Variants in TMEM130 observed in about 807,000 individuals in gnomAD.
TMEM130 encodes transmembrane protein 130.
A neutral mutation model predicts 42.9 loss-of-function variants in TMEM130; 37 were observed. That is an observed-to-expected ratio of 0.86 (90% CI 0.66 to 1.13). The LOEUF (loss-of-function observed/expected upper bound fraction) is 1.13. Ranked by LOEUF, TMEM130 falls within the 50% of genes most tolerant of loss-of-function variation. The pLI, the probability that TMEM130 is intolerant of heterozygous loss-of-function variation, is 0.00. For synonymous variants in TMEM130, 259 were observed against 237.7 expected (o/e 1.09, Z -0.82); for missense variants, 545 against 562.6 (o/e 0.97, Z 0.32).
chr7:98,848,270 C>A, intron 7 of TMEM130, 62 bp from the exon 8 acceptor site: 1 of 1,600,292 alleles, frequency 6.2e-7, no homozygotes, highest in South Asian at 1.1e-5. Flanking sequence ...TCCCACGGGT[C>A]AATCACCCAC....
intron 2 of TMEM130, among the ~76,000 whole-genome samples, chr7:98,862,279 A>T (rs1794788552): frequency 7.3e-6 from 1 of 137,012 alleles, no homozygotes; most frequent in Non-Finnish European, 1.6e-5. Context: ...AGAGACAGAG[A>T]CAAAGAGACA....
chr7:98,855,019 G>A (rs1794594481), intron 5 of TMEM130, among the ~76,000 whole-genome samples: 1 of 152,250 alleles, frequency 6.6e-6, no homozygotes, highest in African/African-American at 2.4e-5. Context: ...CTGGGCGAAA[G>A]AGCGAGACTC....
intron 1 of TMEM130, among the ~76,000 whole-genome samples, chr7:98,868,411 C>T (rs1331647214): frequency 6.6e-6 from 1 of 152,202 alleles, no homozygotes; most frequent in Non-Finnish European, 1.5e-5. Flanking sequence ...GAAACACCTA[C>T]CTTTTCCAGC....
In TMEM130 at chr7:98,869,272, T is replaced by C. The variant is rs1554401028; in HGVS notation, c.85+505A>G. The C allele has an allele frequency of 7.8e-7, 1 of 1,288,318 alleles. No individual in the cohort carries two copies. The highest frequency in any genetic ancestry group is 1.5e-5 in the African/African-American group (1 of 65,764). The allele number at this position is 1,288,318 out of a possible 1,614,324, so 79.8% of individuals were successfully genotyped here. ...CCAGAGAGGAAATGGCAGCCTGGCCTCCTGGGCTCTAAATTCGCATCTCCC... is the reference window on the plus strand; with the variant it reads ...CCAGAGAGGAAATGGCAGCCTGGCCCCCTGGGCTCTAAATTCGCATCTCCC... On this transcript the variant is annotated intron_variant, in intron 1 of 7. Transcript: ENST00000339375. The surrounding 1 kb of genome is among the most constrained non-coding windows in gnomAD (Gnocchi z 4.7).
chr7:98,864,966 G>A (rs6955886), intron 1 of TMEM130, among the ~76,000 whole-genome samples: 137,310 of 152,324 alleles, frequency 0.9, 61,979 homozygotes, highest in South Asian at 0.93. Context: ...GCTCTTTCCC[G>A]ACAGCTGAGT....
chr7:98,860,145 C>G (rs375665921), intron 3 of TMEM130, 34 bp downstream of exon 3: 403 of 1,598,076 alleles, frequency 2.5e-4, no homozygotes, highest in East Asian at 8.9e-5. Flanking sequence ...GCACCAGTGA[C>G]AGCTGTAGGG....
In TMEM130 at chr7:98,847,926, G is replaced by T; in HGVS notation, c.*130C>A. On this transcript the variant is annotated 3_prime_UTR_variant, in exon 8 of 8. Transcript: ENST00000339375. ...CTTGTGGCAGTGGCTGAACTGTACAGATGGATGGATGATCCAGGCCAACAG... is the reference window on the plus strand; with the variant it reads ...CTTGTGGCAGTGGCTGAACTGTACATATGGATGGATGATCCAGGCCAACAG... 1.2e-6 allele frequency: 1 copy of T among 869,014 alleles called. No individual in the cohort carries two copies. Among genetic ancestry groups the T allele is most frequent in the Non-Finnish European group, 1.8e-6 (1 of 552,390 alleles). The allele number at this position is 869,014 out of a possible 1,614,324, so 53.8% of individuals were successfully genotyped here.
rs1554401084 is a variant in TMEM130, at chr7:98,869,742, C to A, written c.85+35G>T. ...ACGGTTCCAGGCCCCGGGCGGGCTG[C>A]GGCTGCAGGGAGGCCGGATTGCCCA... On this transcript the variant is annotated intron_variant, in intron 1 of 7. Coordinates refer to ENST00000339375, the MANE Select transcript of TMEM130 (RefSeq NM_152913.3). This position sits in a 1 kb window ranked among gnomAD's most constrained non-coding sequence, Gnocchi z 4.7. 9 of 1,336,554 alleles carry A rather than the reference C, an allele frequency of 6.7e-6. No homozygotes were observed. Among genetic ancestry groups the A allele is most frequent in the Non-Finnish European group, 8.6e-6 (9 of 1,041,038 alleles). The allele number at this position is 1,336,554 out of a possible 1,614,324, so 82.8% of individuals were successfully genotyped here.
At position 98,854,033 on chromosome 7, in the gene TMEM130, T is replaced by G. The variant is rs369760255; in HGVS notation, c.803+1207A>C. On this transcript the variant is annotated intron_variant, in intron 5 of 7. Coordinates refer to ENST00000339375, the MANE Select transcript of TMEM130 (RefSeq NM_152913.3). ...CAGATTTGCTTTTTTTGTTTTTTGG[T>G]TTTTTTTTGTTTTTTTTTTTTTTGG... Among the ~76,000 whole-genome samples the G allele has an allele frequency of 4.3e-3, 436 of 100,882 alleles. 1 individual carries two copies. The highest frequency in any genetic ancestry group is 9.3e-3 in the African/African-American group (251 of 26,926). 66.2% of individuals were successfully genotyped at this position (100,882 alleles called of 152,430 possible). A position where few individuals can be genotyped will look rare whatever the true frequency, so the allele number is the denominator to read the frequency against.
chr7:98,868,658 C>T (rs1402461607), intron 1 of TMEM130, among the ~76,000 whole-genome samples: 4 of 152,140 alleles, frequency 2.6e-5, no homozygotes, highest in Non-Finnish European at 5.9e-5. Context: ...AAGATGTTTC[C>T]CAACTCCACT....
chr7:98,848,263 C>T lies in TMEM130; in HGVS notation c.1120-55G>A, dbSNP rs782160648. ...CAGCCACCTATGATGAACAAAATCCCACGGGTCAATCACCCACCCACCAGG... is the reference window on the plus strand; with the variant it reads ...CAGCCACCTATGATGAACAAAATCCTACGGGTCAATCACCCACCCACCAGG... On this transcript the variant is annotated intron_variant, in intron 7 of 7. Coordinates refer to ENST00000339375, the MANE Select transcript of TMEM130 (RefSeq NM_152913.3). 1.3e-5 allele frequency: 21 copies of T among 1,607,396 alleles called. No homozygotes were observed. In the Middle Eastern group the frequency reaches 2.8e-3, roughly 215 times the overall value.
At chr7:98,866,990 G>A (rs1041685003) in intron 1 of TMEM130, 1 of 152,088 alleles carries the variant, frequency 6.6e-6, no homozygotes. Context: ...CCAGCTACTT[G>A]GAAGGCTGAG....
rs376976827 is a variant in TMEM130 at position 98,854,507 on chromosome 7, G to C, written c.803+733C>G. Among the ~76,000 whole-genome samples the C allele has an allele frequency of 1.5e-4, 23 of 152,352 alleles. No individual in the cohort carries two copies. In the East Asian group the frequency reaches 3.5e-3, roughly 23 times the overall value. Reference sequence around the variant, plus strand: ...TAATCCCAGCACTTGGGGAGGCCAAGCTGGGAGGATCACTTGAGCTCAGGA... The same window carrying C: ...TAATCCCAGCACTTGGGGAGGCCAACCTGGGAGGATCACTTGAGCTCAGGA... On this transcript the variant is annotated intron_variant, in intron 5 of 7. Coordinates refer to ENST00000339375, the MANE Select transcript of TMEM130 (RefSeq NM_152913.3).
At position 98,851,434 on chromosome 7, in the gene TMEM130, C is replaced by G. The variant is rs1554398197; in HGVS notation, c.993G>C (p.Gln331His). ...GGTGTCACTTACTGGAGGGCCACAC[C>G]TGGATCTTGTGGTACTGATGTGTCT... ...ISKTHQYHKI[Q>H]VWPSRIQPAV... The change falls in exon 6 of 8, where the codon CAG (glutamine) becomes CAC (histidine). Residue 331 changes from glutamine to histidine, a missense_variant. Coordinates refer to ENST00000339375, the MANE Select transcript of TMEM130 (RefSeq NM_152913.3). 6.2e-7 allele frequency: 1 copy of G among 1,614,064 alleles called. No individual in the cohort carries two copies. The highest frequency in any genetic ancestry group is 1.7e-5 in the Admixed American group (1 of 59,994).
intron 1 of TMEM130, chr7:98,865,831 T>C (rs781953706): frequency 3.4e-4 from 53 of 154,216 alleles, no homozygotes; most frequent in Middle Eastern, 8.1e-4. Context: ...CTGGGTCCTT[T>C]TATGGTTCCC....
At chr7:98,855,097 C>T in intron 5 of TMEM130, 143 bp downstream of exon 5, 1 of 531,314 alleles carries the variant, frequency 1.9e-6, no homozygotes, top group Non-Finnish European at 3.3e-6. Flanking sequence ...CCCCATGGCC[C>T]AGCCTCAAGA....
intron 1 of TMEM130, among the ~76,000 whole-genome samples, chr7:98,868,039 G>A (rs1794947652): frequency 6.6e-6 from 1 of 152,182 alleles, no homozygotes; most frequent in Non-Finnish European, 1.5e-5. Context: ...GACCAGCCTG[G>A]CCAACATGGC....
At chr7:98,868,045 A>G (rs1443471964) in intron 1 of TMEM130, among the ~76,000 whole-genome samples, 4 of 152,138 alleles carry the variant, frequency 2.6e-5, no homozygotes, top group Non-Finnish European at 4.4e-5. Context: ...CCTGGCCAAC[A>G]TGGCGAAGCC....
chr7:98,848,843 C>A, intron 6 of TMEM130, 148 bp from the exon 7 acceptor site: 1 of 645,524 alleles, frequency 1.5e-6, no homozygotes, highest in Non-Finnish European at 2.8e-6. Flanking sequence ...ACTGGGCAAC[C>A]CCAATAGGTA....
Sources: gnomAD v4.1 joint callset for allele counts (sites outside exome capture counted in the v4.1 genomes callset) on GRCh38, gnomAD v4.1.1 for gene constraint, Gnocchi (gnomAD v3.1) non-coding constraint, MANE v1.5 for transcripts, NCBI Gene and HGNC (gene_info 2026-07-23, HGNC 2026-07-21) for gene names.